The following ATRNL1 variants were observed in gnomAD, a reference collection of about 807,000 sequenced individuals.
ATRNL1 encodes the protein attractin-like protein 1.
Under a neutral mutation model 182.7 loss-of-function variants are expected in ATRNL1, and 95 were observed. The observed-to-expected ratio is 0.52, with a 90% confidence interval of 0.44 to 0.62. The LOEUF is 0.62. ATRNL1 is among the 20% of genes least tolerant of loss of function. The probability of loss-of-function intolerance (pLI) is 0.00; values close to 1 mark genes in which losing one functional copy is unlikely to be tolerated. For missense variants in ATRNL1, 1,471 were observed against 1,679.5 expected, an observed-to-expected ratio of 0.88 and a Z score of 2.17; for synonymous variants, 576 against 568.3, an observed-to-expected ratio of 1.01 and a Z score of -0.19.
rs543795761 is a variant in ATRNL1 at position 115,198,694 on chromosome 10, A to T, written c.1349-17003A>T. Among the ~76,000 whole-genome samples, 6 of 152,260 alleles carry T rather than the reference A, an allele frequency of 3.9e-5. No individual in the cohort carries two copies. In the South Asian group the frequency reaches 1.2e-3, roughly 32 times the overall value. On this transcript the variant is annotated intron_variant, in intron 8 of 28. Coordinates refer to ENST00000355044, the MANE Select transcript of ATRNL1 (RefSeq NM_207303.4). ...AGTTGATTTTTATATATGATGTGAAATGAGGGTCTAATTTTATTCTTCTGC... is the reference window on the plus strand; with the variant it reads ...AGTTGATTTTTATATATGATGTGAATTGAGGGTCTAATTTTATTCTTCTGC...
At chr10:115,299,673 T>C (rs1390626640) in intron 15 of ATRNL1, among the ~76,000 whole-genome samples, 1 of 151,786 alleles carries the variant, frequency 6.6e-6, no homozygotes, top group Non-Finnish European at 1.5e-5. Context: ...ATAGTAGTAA[T>C]AGTAATAGAA....
At chr10:115,565,671 C>T (rs1854031761) in intron 26 of ATRNL1, among the ~76,000 whole-genome samples, 1 of 152,076 alleles carries the variant, frequency 6.6e-6, no homozygotes, top group South Asian at 2.1e-4. Flanking sequence ...GGTACAATAG[C>T]ATCCAAATTT....
At chr10:115,452,982 A>G (rs1475836704) in intron 21 of ATRNL1, among the ~76,000 whole-genome samples, 1 of 152,096 alleles carries the variant, frequency 6.6e-6, no homozygotes, top group Admixed American at 6.6e-5. Flanking sequence ...ACTTAGCATC[A>G]TGTTCTCCAG....
rs677604 is a variant in ATRNL1, at chr10:115,368,745, G to A, written c.3176-25914G>A. On this transcript the variant is annotated intron_variant, in intron 19 of 28. Coordinates refer to ENST00000355044, the MANE Select transcript of ATRNL1 (RefSeq NM_207303.4). ...TTTTTTTTTTTTGAGGTGAATTCTCGCTCTTCCGCCCAGGCTGGAATGCAG... is the reference window on the plus strand; with the variant it reads ...TTTTTTTTTTTTGAGGTGAATTCTCACTCTTCCGCCCAGGCTGGAATGCAG... 8.1e-3 allele frequency among the ~76,000 whole-genome samples: 1,179 copies of A among 144,676 alleles called. 16 individuals are homozygous for A. The highest frequency in any genetic ancestry group is 0.03 in the African/African-American group (1,122 of 37,988). 94.9% of individuals were successfully genotyped at this position (144,676 alleles called of 152,430 possible). A position where few individuals can be genotyped will look rare whatever the true frequency, so the allele number is the denominator to read the frequency against.
rs184384303 is a variant in ATRNL1, at chr10:115,146,897, C to T, written c.830-13143C>T. ...TGTTGAGGGACACTTAGGTTGATTC[C>T]GTATCTTTGCTACTGTAAATAGTGC... On this transcript the variant is annotated intron_variant, in intron 5 of 28. Coordinates refer to ENST00000355044, the MANE Select transcript of ATRNL1 (RefSeq NM_207303.4). 1.5e-3 allele frequency among the ~76,000 whole-genome samples: 228 copies of T among 151,734 alleles called. 1 individual carries two copies. The highest frequency in any genetic ancestry group is 2.4e-3 in the Non-Finnish European group (162 of 67,894).
At chr10:115,934,041 G>T (rs1399649209) in intron 28 of ATRNL1, among the ~76,000 whole-genome samples, 2 of 152,120 alleles carry the variant, frequency 1.3e-5, no homozygotes, top group Non-Finnish European at 2.9e-5. Context: ...GTTTTAGAGT[G>T]GAGGTACCTT....
At chr10:115,774,873 GT>G (rs113713693) in intron 27 of ATRNL1, among the ~76,000 whole-genome samples, 89 of 137,680 alleles carry the variant, frequency 6.5e-4, no homozygotes, top group Middle Eastern at 3.7e-3. Context: ...GTCATGGTTT[GT>G]TTTTTTTTTT....
intron 28 of ATRNL1, among the ~76,000 whole-genome samples, chr10:115,942,019 C>A (rs1316711924): frequency 6.6e-6 from 1 of 152,180 alleles, no homozygotes; most frequent in Non-Finnish European, 1.5e-5. Flanking sequence ...TACTTAAGAG[C>A]AACCCTTAAA....
intron 14 of ATRNL1, among the ~76,000 whole-genome samples, chr10:115,282,147 A>G (rs1852394038): frequency 6.8e-6 from 1 of 146,512 alleles, no homozygotes; most frequent in Non-Finnish European, 1.5e-5. Context: ...CCATAAATTT[A>G]TATATTTATT....
intron 5 of ATRNL1, among the ~76,000 whole-genome samples, 162 bp downstream of exon 5, chr10:115,129,697 T>A (rs1374784122): frequency 1.3e-5 from 2 of 152,190 alleles, no homozygotes; most frequent in Admixed American, 1.3e-4. Context: ...TCTTAATAAT[T>A]TTTTTGTCAC....
intron 26 of ATRNL1, among the ~76,000 whole-genome samples, chr10:115,719,420 G>T (rs1365248681): frequency 2.0e-5 from 3 of 152,160 alleles, no homozygotes; most frequent in Non-Finnish European, 2.9e-5. Context: ...GTGTTATGAA[G>T]ACTTAAGTGA....
intron 7 of ATRNL1, among the ~76,000 whole-genome samples, chr10:115,169,629 CAATT>C (rs1466789209): frequency 2.6e-5 from 4 of 151,994 alleles, no homozygotes; most frequent in African/African-American, 9.7e-5. Flanking sequence ...ATTTTGGAAT[CAATT>C]TGTCAGTTTC....
rs9421222 is a variant in ATRNL1 at position 115,561,690 on chromosome 10, G to T, written c.3795+12154G>T. 1.3e-3 allele frequency among the ~76,000 whole-genome samples: 68 copies of T among 50,460 alleles called. 1 individual carries two copies. Among genetic ancestry groups the T allele is most frequent in the Middle Eastern group, 0.014 (1 of 72 alleles). 33.1% of individuals were successfully genotyped at this position (50,460 alleles called of 152,430 possible). A position where few individuals can be genotyped will look rare whatever the true frequency, so the allele number is the denominator to read the frequency against. The stretch of plus-strand genomic sequence containing the variant: ...AACTCTGTGTGTGTGTGTGTGTGTG[G>T]GTGTGTGTGTGTGGGTGTGTGTGTG... On this transcript the variant is annotated intron_variant, in intron 26 of 28. Coordinates refer to ENST00000355044, the MANE Select transcript of ATRNL1 (RefSeq NM_207303.4).
rs1361492554 is a variant in ATRNL1 at position 115,187,641 on chromosome 10, G to A, written c.1348+16349G>A. Among the ~76,000 whole-genome samples, 15 of 147,498 alleles carry A rather than the reference G, an allele frequency of 1.0e-4. 1 individual carries two copies. The highest frequency in any genetic ancestry group is 1.0e-3 in the Admixed American group (15 of 14,794). On this transcript the variant is annotated intron_variant, in intron 8 of 28. Coordinates refer to ENST00000355044, the MANE Select transcript of ATRNL1 (RefSeq NM_207303.4). ...TTCTTAAAGTTGATAATTGCAATAT[G>A]GTTATGTATAATAGAAAGAGGGTGC...
chr10:115,564,615 G>A (rs1161663865), intron 26 of ATRNL1, among the ~76,000 whole-genome samples: 2 of 151,660 alleles, frequency 1.3e-5, no homozygotes, highest in East Asian at 1.9e-4. Context: ...TTTATACCTT[G>A]TACATGTTTT....
At chr10:115,919,196 A>G (rs1286736904) in intron 28 of ATRNL1, among the ~76,000 whole-genome samples, 6 of 152,272 alleles carry the variant, frequency 3.9e-5, no homozygotes, top group African/African-American at 1.4e-4. Context: ...AGGTGTTCCA[A>G]TTCTACTGAT....
intron 24 of ATRNL1, among the ~76,000 whole-genome samples, chr10:115,477,197 T>C (rs1393078303): frequency 6.6e-6 from 1 of 151,608 alleles, no homozygotes; most frequent in African/African-American, 2.4e-5. Flanking sequence ...TCTCCCAAAA[T>C]GAAATTTTAT....
At chr10:115,773,313 A>G (rs1249849889) in intron 27 of ATRNL1, among the ~76,000 whole-genome samples, 2 of 152,178 alleles carry the variant, frequency 1.3e-5, no homozygotes, top group Admixed American at 6.5e-5. Context: ...CTTAAAATTC[A>G]TATGCCCAGA....
chr10:115,153,632 A>G (rs560831600), intron 5 of ATRNL1, among the ~76,000 whole-genome samples: 2 of 152,038 alleles, frequency 1.3e-5, no homozygotes, highest in South Asian at 2.1e-4. Flanking sequence ...CTAGCGGTCT[A>G]TCAATTTTGT....
Sources: allele counts gnomAD v4.1 joint callset (sites outside exome capture counted in the v4.1 genomes callset), GRCh38; gene constraint gnomAD v4.1.1; transcripts MANE v1.5; gene names NCBI Gene and HGNC (gene_info 2026-07-23, HGNC 2026-07-21).